DRICH1: variants seen among roughly 807,000 people sequenced by gnomAD.
The protein encoded by DRICH1 is aspartate rich 1.
DRICH1 carries 38 observed loss-of-function variants against 39.5 expected under a neutral mutation model. That is an observed-to-expected ratio of 0.96 (90% CI 0.74 to 1.26). The LOEUF is 1.26. Among genes scored for constraint, DRICH1 ranks in the 50% most tolerant of loss-of-function variants. The probability of loss-of-function intolerance (pLI) is 0.00; values close to 1 mark genes in which losing one functional copy is unlikely to be tolerated. For synonymous variants in DRICH1, 84 were observed against 99.5 expected (o/e 0.84, Z 0.93); for missense variants, 279 against 270.4 (o/e 1.03, Z -0.22).
chr22:23,628,650 G>GGTGAAGGCC (rs1928214634), intron 1 of DRICH1, among the ~76,000 whole-genome samples: 1 of 152,176 alleles, frequency 6.6e-6, no homozygotes, highest in Non-Finnish European at 1.5e-5. Flanking sequence ...TTCCTCAAGT[G>GGTGAAGGCC]ACTTCCATAA....
chr22:23,607,444 T>C (rs1029907813), downstream of DRICH1, among the ~76,000 whole-genome samples: 1 of 151,346 alleles, frequency 6.6e-6, no homozygotes, highest in South Asian at 2.1e-4. Context: ...TTGGGGAGTG[T>C]TCCCACACTG....
chr22:23,617,429 C>T, intron 7 of DRICH1, 146 bp downstream of exon 7: 2 of 932,336 alleles, frequency 2.1e-6, no homozygotes, highest in Non-Finnish European at 3.4e-6. Context: ...TTGGCAATGC[C>T]TGCTTGTTGG....
Position 23,608,733 on chromosome 22 carries a change from T to A in DRICH1, c.*31A>T. 1.3e-6 allele frequency: 2 copies of A among 1,555,966 alleles called. No individual in the cohort carries two copies. The highest frequency in any genetic ancestry group is 1.7e-6 in the Non-Finnish European group (2 of 1,148,808). On this transcript the variant is annotated 3_prime_UTR_variant, in exon 12 of 12. Transcript: ENST00000317749. ...AGCACGCGCTGGCCTGCCCTTTGGGTCAGCACCCTGGTCAGCTCCACAGAA... is the reference window on the plus strand; with the variant it reads ...AGCACGCGCTGGCCTGCCCTTTGGGACAGCACCCTGGTCAGCTCCACAGAA...
the DRICH1 span, among the ~76,000 whole-genome samples, chr22:23,597,377 T>C: frequency 1.4e-3 from 200 of 143,940 alleles, 1 homozygote; most frequent in African/African-American, 4.9e-3. Context: ...CACCTATAGG[T>C]GCAGCTATGC....
rs1471462842 is a variant in DRICH1, at chr22:23,624,889, C to G, written c.292G>C (p.Val98Leu). The change falls in exon 3 of 12, where the codon GTC becomes CTC. Residue 98 changes from valine (V) to leucine (L), a missense_variant. Physicochemically the swap from Val to Leu is conservative, Grantham distance 32. Transcript: ENST00000317749. ...NDDAKILPSP[V>L]QGSSEDNLSL... ...GTTAGTTCAAGGTACGTACCCTGGACAGGTGATGGTAAAATCTGCAATGAG... is the reference window on the plus strand; with the variant it reads ...GTTAGTTCAAGGTACGTACCCTGGAGAGGTGATGGTAAAATCTGCAATGAG... 2 of 1,613,642 alleles carry G rather than the reference C, an allele frequency of 1.2e-6. No individual in the cohort carries two copies. The highest frequency in any genetic ancestry group is 1.7e-6 in the Non-Finnish European group (2 of 1,179,608).
At chr22:23,611,786 G>T (rs1185358512) in intron 11 of DRICH1, among the ~76,000 whole-genome samples, 1 of 152,122 alleles carries the variant, frequency 6.6e-6, no homozygotes, top group Non-Finnish European at 1.5e-5. Context: ...TTAGAAGGTC[G>T]GCGCAGTGCA....
intron 5 of DRICH1, 143 bp from the exon 6 acceptor site, chr22:23,619,536 A>G (rs1602341092): frequency 1.5e-6 from 1 of 668,066 alleles, no homozygotes; most frequent in Non-Finnish European, 2.8e-6. Flanking sequence ...AAATGCAAAC[A>G]GCATGCTTCC....
At chr22:23,629,954 T>C (rs12170399) in intron 1 of DRICH1, among the ~76,000 whole-genome samples, 38,728 of 151,996 alleles carry the variant, frequency 0.25, 5,012 homozygotes, top group East Asian at 0.34. Context: ...GGTACTCATG[T>C]TACTAAATAC....
intron 5 of DRICH1, 55 bp downstream of exon 5, chr22:23,620,539 A>G: frequency 6.4e-7 from 1 of 1,565,302 alleles, no homozygotes; most frequent in African/African-American, 1.4e-5. Context: ...AGGTTCCTAT[A>G]TATTAAAGCC....
Position 23,615,433 on chromosome 22 carries a change from T to C in DRICH1, c.542-1219A>G, listed in dbSNP as rs7290227. Among the ~76,000 whole-genome samples, 1,233 of 152,310 alleles carry C rather than the reference T, an allele frequency of 8.1e-3. 15 individuals are homozygous for C. The highest frequency in any genetic ancestry group is 0.027 in the African/African-American group (1,122 of 41,560). ...TTCATTCAGACATATAAAATATTGG[T>C]ATAAGAAACCAAAAATTTTTATCAG... On this transcript the variant is annotated intron_variant, in intron 8 of 11. Transcript: ENST00000317749.
chr22:23,599,894 C>T, the DRICH1 span, among the ~76,000 whole-genome samples: 1 of 152,194 alleles, frequency 6.6e-6, no homozygotes, highest in Non-Finnish European at 1.5e-5. Context: ...CCCCCTTCTC[C>T]CACGGTGCAT....
Position 23,611,644 on chromosome 22 carries a change from C to T in DRICH1, c.685+1645G>A, listed in dbSNP as rs139360294. ...CTGACCTCGTAATCCGCCCACCTTG[C>T]ACCTGCTTATTAACTACAGCCATAT... On this transcript the variant is annotated intron_variant, in intron 11 of 11. Transcript: ENST00000317749. 8.3e-4 allele frequency among the ~76,000 whole-genome samples: 126 copies of T among 152,252 alleles called. 1 individual carries two copies. The Middle Eastern group carries it at 0.01, about 12-fold the overall frequency.
chr22:23,613,455 C>T, intron 10 of DRICH1, 125 bp from the exon 11 acceptor site: 1 of 948,534 alleles, frequency 1.1e-6, no homozygotes, highest in Non-Finnish European at 1.7e-6. Context: ...ATACATGATC[C>T]CCTAATCTTT....
the DRICH1 span, among the ~76,000 whole-genome samples, chr22:23,587,238 T>C: frequency 1.3e-5 from 2 of 152,172 alleles, no homozygotes; most frequent in African/African-American, 4.8e-5. Flanking sequence ...ATAGACCATG[T>C]CAGAGAGCCA....
chr22:23,603,598 C>T (rs1300383434), downstream of DRICH1, among the ~76,000 whole-genome samples: 1 of 152,294 alleles, frequency 6.6e-6, no homozygotes, highest in Non-Finnish European at 1.5e-5. Context: ...AGGAGCTCCC[C>T]GCCACAGCCC....
chr22:23,632,036 T>C lies in DRICH1; in HGVS notation c.-13A>G. ...GTATATTCCCCATGGGGCCTCTCCATGCCTCTCCACTCCTGCCTCAGCCTT... is the reference window on the plus strand; with the variant it reads ...GTATATTCCCCATGGGGCCTCTCCACGCCTCTCCACTCCTGCCTCAGCCTT... On this transcript the variant is annotated 5_prime_UTR_variant, in exon 1 of 12. The change abolishes an upstream ATG in the 5' untranslated region. Coordinates refer to ENST00000317749, the MANE Select transcript of DRICH1 (RefSeq NM_016449.4). 9 of 1,612,396 alleles carry C rather than the reference T, an allele frequency of 5.6e-6. No homozygotes were observed. The highest frequency in any genetic ancestry group is 7.6e-6 in the Non-Finnish European group (9 of 1,179,796).
chr22:23,603,012 T>TC, the DRICH1 span, among the ~76,000 whole-genome samples: 1 of 149,610 alleles, frequency 6.7e-6, no homozygotes, highest in Non-Finnish European at 1.5e-5. Context: ...TTTACTTTTT[T>TC]TTTTTTTTTT....
the DRICH1 span, among the ~76,000 whole-genome samples, chr22:23,584,850 G>A: frequency 6.6e-6 from 1 of 152,164 alleles, no homozygotes; most frequent in Non-Finnish European, 1.5e-5. Flanking sequence ...AGGCTGGAAT[G>A]TAATGGTGCA....
At chr22:23,632,497 G>A (rs1413270767), upstream of DRICH1, among the ~76,000 whole-genome samples, 1 of 152,164 alleles carries the variant, frequency 6.6e-6, no homozygotes, top group African/African-American at 2.4e-5. Flanking sequence ...CTGCCCCTCT[G>A]TGGGGACTGC....
Sources: allele counts gnomAD v4.1 joint callset (sites outside exome capture counted in the v4.1 genomes callset), GRCh38; gene constraint gnomAD v4.1.1; transcripts MANE v1.5; gene names NCBI Gene and HGNC (gene_info 2026-07-23, HGNC 2026-07-21).